Variants in ZNF254 observed in about 807,000 individuals in gnomAD.
The protein encoded by ZNF254 is CTD-2017D11.1.
ZNF254 carries 10 observed loss-of-function variants against 12.4 expected under a neutral mutation model. The observed-to-expected ratio is 0.80, with a 90% CI of 0.50 to 1.36. ZNF254 has a LOEUF of 1.36. ZNF254 is among the 40% of genes most tolerant of loss of function. The pLI is 0.00. For synonymous variants in ZNF254, 305 were observed against 253.4 expected, an observed-to-expected ratio of 1.20 and a Z score of -1.93; for missense variants, 996 against 763.9, an observed-to-expected ratio of 1.30 and a Z score of -3.58.
chr19:24,071,273 CTA>C (rs1351761362), intron 2 of ZNF254, among the ~76,000 whole-genome samples: 1 of 152,172 alleles, frequency 6.6e-6, no homozygotes, highest in Non-Finnish European at 1.5e-5. Context: ...GGGGGAGTGA[CTA>C]ATCCCTAGGC....
chr19:24,052,947 T>C (rs868322968), intron 2 of ZNF254, among the ~76,000 whole-genome samples: 1 of 152,200 alleles, frequency 6.6e-6, no homozygotes. Context: ...ATTAACACTC[T>C]GTCACATACT....
chr19:24,087,455 CG>C (rs1972097103), intron 1 of ZNF254, 118 bp downstream of exon 1: 1 of 1,295,984 alleles, frequency 7.7e-7, no homozygotes, highest in East Asian at 2.4e-5. Flanking sequence ...GCGCCCAGCT[CG>C]ACCTCAGTCC....
intron 2 of ZNF254, among the ~76,000 whole-genome samples, chr19:24,080,876 G>A (rs1473975386): frequency 1.3e-5 from 2 of 151,372 alleles, no homozygotes; most frequent in East Asian, 2.0e-4. Context: ...TCGGGAGTTC[G>A]AGACCAGCCT....
rs1177529885 is a variant in ZNF254, at chr19:24,129,089, G to T, written c.*1109G>T. 1.3e-5 allele frequency: 2 copies of T among 151,940 alleles called. No individual in the cohort carries two copies. Among genetic ancestry groups the T allele is most frequent in the Non-Finnish European group, 2.9e-5 (2 of 67,878 alleles). 9.4% of individuals were successfully genotyped at this position (151,940 alleles called of 1,614,324 possible). On this transcript the variant is annotated 3_prime_UTR_variant, in exon 4 of 4. Transcript: ENST00000357002. ...AGATAAGGACATTAAAATGTAAGAT[G>T]CGTGAGGAAAATTTAGGTAGAGAGG...
intron 1 of ZNF254, among the ~76,000 whole-genome samples, chr19:24,037,303 G>C (rs943436149): frequency 1.3e-5 from 2 of 152,194 alleles, no homozygotes; most frequent in Admixed American, 1.3e-4. Flanking sequence ...ATGAGTTCAA[G>C]ATTATAGCCC....
intron 2 of ZNF254, among the ~76,000 whole-genome samples, chr19:24,069,604 C>CA (rs968664535): frequency 0.019 from 677 of 36,466 alleles, 14 homozygotes; most frequent in African/African-American, 0.042. Flanking sequence ...GACTCCATCT[C>CA]AAAAAAAAAA....
intron 3 of ZNF254, among the ~76,000 whole-genome samples, chr19:24,112,811 G>A (rs994027246): frequency 5.9e-5 from 9 of 151,948 alleles, no homozygotes; most frequent in African/African-American, 2.4e-5. Context: ...AAACATAGAA[G>A]AATCAAATAG....
At chr19:24,113,365 G>C (rs1973823926) in intron 3 of ZNF254, among the ~76,000 whole-genome samples, 1 of 152,086 alleles carries the variant, frequency 6.6e-6, no homozygotes, top group Admixed American at 6.6e-5. Context: ...TGGGATGCAG[G>C]GCTGGTTCAA....
chr19:24,127,579 T>A lies in ZNF254; in HGVS notation c.1579T>A (p.Phe527Ile), dbSNP rs1178139491. The A allele has an allele frequency of 1.2e-6, 2 of 1,608,038 alleles. No individual in the cohort carries two copies. Among genetic ancestry groups the A allele is most frequent in the Non-Finnish European group, 1.7e-6 (2 of 1,176,838 alleles). The change falls in exon 4 of 4, where the codon TTT (phenylalanine) becomes ATT (isoleucine). Residue 527 changes from phenylalanine to isoleucine, a missense_variant. By Grantham distance (21) the Phe-to-Ile change is conservative (BLOSUM62 0). Coordinates refer to ENST00000357002, the MANE Select transcript of ZNF254 (RefSeq NM_203282.4). ...PYKCEECGKA[F>I]NWSSTLTKHK... ...CAAATGTGAAGAATGTGGCAAAGCC[T>A]TTAACTGGTCCTCAACTCTTACTAA...
At chr19:24,098,664 G>A (rs1032996223) in intron 1 of ZNF254, 1 of 152,056 alleles carries the variant, frequency 6.6e-6, no homozygotes, top group African/African-American at 2.4e-5. Context: ...TCTAATCTCA[G>A]GTTTTTTAAA....
chr19:24,122,780 A>AG (rs1416230407), intron 3 of ZNF254, among the ~76,000 whole-genome samples: 13 of 146,736 alleles, frequency 8.9e-5, no homozygotes, highest in African/African-American at 1.8e-4. Context: ...CCTTGCTTTT[A>AG]CCTATTGGCT....
intron 1 of ZNF254, among the ~76,000 whole-genome samples, chr19:24,089,929 G>A (rs1972263842): frequency 6.6e-6 from 1 of 151,664 alleles, no homozygotes. Flanking sequence ...GGTGGCTCAT[G>A]CCTGTAATCC....
chr19:24,119,691 G>A (rs368004949), intron 3 of ZNF254, among the ~76,000 whole-genome samples: 9 of 152,038 alleles, frequency 5.9e-5, no homozygotes, highest in East Asian at 1.9e-4. Context: ...AGGTTTTGCC[G>A]CATTGCTGAG....
intron 1 of ZNF254, among the ~76,000 whole-genome samples, chr19:24,091,551 G>T (rs1451395035): frequency 6.6e-6 from 1 of 152,080 alleles, no homozygotes; most frequent in Non-Finnish European, 1.5e-5. Context: ...GGAGTGCAAT[G>T]GTGCAATCTT....
chr19:24,051,871 A>G (rs1359312863), intron 2 of ZNF254, among the ~76,000 whole-genome samples: 1 of 151,994 alleles, frequency 6.6e-6, no homozygotes, highest in Non-Finnish European at 1.5e-5. Flanking sequence ...TGTTTTTTAC[A>G]TATAGTTGGG....
chr19:24,066,761 G>A (rs997379682), intron 2 of ZNF254: 1 of 152,204 alleles, frequency 6.6e-6, no homozygotes, highest in Non-Finnish European at 1.5e-5. Flanking sequence ...TCAGCCAGGT[G>A]TGGTGATTGG....
exon 1 of ZNF254, chr19:24,033,523 G>T (rs1969843785): frequency 4.4e-6 from 1 of 227,606 alleles, no homozygotes; most frequent in South Asian, 4.5e-5. Flanking sequence ...CACCTCGGGA[G>T]CCCCTGGGGA....
chr19:24,042,375 G>A (rs1970206327), intron 1 of ZNF254, among the ~76,000 whole-genome samples: 9 of 152,176 alleles, frequency 5.9e-5, no homozygotes, highest in Admixed American at 5.2e-4. Flanking sequence ...GGCTGCCCGA[G>A]CCAGCATTGG....
chr19:24,091,316 A>T (rs980760190), intron 1 of ZNF254, among the ~76,000 whole-genome samples: 1 of 55,330 alleles, frequency 1.8e-5, no homozygotes, highest in African/African-American at 8.7e-5. Flanking sequence ...AAAAATAAAG[A>T]AAAAAAAAAA....
Sources: gnomAD v4.1 joint callset for allele counts (sites outside exome capture counted in the v4.1 genomes callset) on GRCh38, gnomAD v4.1.1 for gene constraint, MANE v1.5 for transcripts, NCBI Gene and HGNC (gene_info 2026-07-23, HGNC 2026-07-21) for gene names.